ADCY7: variants seen among roughly 807,000 people sequenced by gnomAD.
ADCY7 encodes adenylate cyclase 7.
ADCY7 carries 72 observed loss-of-function variants against 120.6 expected under a neutral mutation model. The ratio of observed to expected loss-of-function variants is 0.60; its 90% CI spans 0.49 to 0.73. The LOEUF (loss-of-function observed/expected upper bound fraction) is 0.73. ADCY7 is among the 30% of genes least tolerant of loss of function. The pLI is 0.00. For missense variants in ADCY7, 1,227 were observed against 1,486.0 expected, an observed-to-expected ratio of 0.83 and a Z score of 2.87; for synonymous variants, 661 against 628.0, an observed-to-expected ratio of 1.05 and a Z score of -0.78.
Position 50,288,361 on chromosome 16 carries a change from G to T in ADCY7, c.171+11G>T. The T allele has an allele frequency of 6.5e-7, 1 of 1,537,398 alleles. No individual in the cohort carries two copies. Among genetic ancestry groups the T allele is most frequent in the Non-Finnish European group, 8.8e-7 (1 of 1,137,816 alleles). ...GCCTTCAGCCAGGGGGTGAGTGAGG[G>T]CAGCCCCTGGGCTTCACGTCTCGGC... On this transcript the variant is annotated intron_variant, in intron 2 of 25. Transcript: ENST00000673801.
chr16:50,247,707 T>C (rs1372904933), intron 1 of ADCY7, among the ~76,000 whole-genome samples: 1 of 152,084 alleles, frequency 6.6e-6, no homozygotes, highest in East Asian at 1.9e-4. Context: ...TTTTGACTCC[T>C]GATTTTATGA....
At chr16:50,304,890 G>A in intron 11 of ADCY7, 35 bp from the exon 12 acceptor site, 1 of 1,613,716 alleles carries the variant, frequency 6.2e-7, no homozygotes. Context: ...AGTGTTCTGG[G>A]GAATGACTGT....
At chr16:50,255,336 G>A (rs999245563) in intron 1 of ADCY7, among the ~76,000 whole-genome samples, 1 of 140,330 alleles carries the variant, frequency 7.1e-6, no homozygotes, top group African/African-American at 2.6e-5. Flanking sequence ...ATAGAGATAG[G>A]GCCATCTAAA....
At chr16:50,267,567 C>CT (rs1475076562) in intron 1 of ADCY7, among the ~76,000 whole-genome samples, 2 of 152,168 alleles carry the variant, frequency 1.3e-5, no homozygotes, top group African/African-American at 4.8e-5. Flanking sequence ...TGGGCCTTCA[C>CT]TAGCATCACC....
At chr16:50,285,033 A>G (rs1019787798) in intron 1 of ADCY7, among the ~76,000 whole-genome samples, 1 of 152,230 alleles carries the variant, frequency 6.6e-6, no homozygotes, top group Non-Finnish European at 1.5e-5. Flanking sequence ...GGTTGGATGT[A>G]TATGGTTAGC....
chr16:50,274,063 T>TGAG (rs775220637), intron 1 of ADCY7: 1 of 151,542 alleles, frequency 6.6e-6, no homozygotes, highest in Non-Finnish European at 1.5e-5. Flanking sequence ...CATTTGGAGG[T>TGAG]GAGGAGGTGG....
At chr16:50,261,878 G>A (rs939786889), upstream of ADCY7, among the ~76,000 whole-genome samples, 4 of 152,200 alleles carry the variant, frequency 2.6e-5, no homozygotes, top group Admixed American at 6.5e-5. Flanking sequence ...TCCCGGTGCC[G>A]TGAACCCCCG....
At position 50,314,427 on chromosome 16, in the gene ADCY7, G is replaced by A. The variant is rs191659239; in HGVS notation, c.2971+21G>A. ...CGTCGGTGAGCCCGGGTGATGGAGC[G>A]GGGTGGGGAGCCCCTGCCTCTAGGC... is the stretch of plus-strand genomic sequence containing the variant. On this transcript the variant is annotated intron_variant, in intron 24 of 25. Transcript: ENST00000673801. The A allele has an allele frequency of 1.0e-3, 1,619 of 1,598,356 alleles. 2 individuals carry two copies. The highest frequency in any genetic ancestry group is 1.2e-3 in the Non-Finnish European group (1,388 of 1,169,034).
intron 1 of ADCY7, among the ~76,000 whole-genome samples, chr16:50,250,892 T>G (rs995886842): frequency 6.6e-6 from 1 of 152,200 alleles, no homozygotes; most frequent in Non-Finnish European, 1.5e-5. Flanking sequence ...TTCTTTGTAC[T>G]TATCACTTCT....
Position 50,311,019 on chromosome 16 carries a change from C to G in ADCY7, c.2354+139C>G, listed in dbSNP as rs955863361. On this transcript the variant is annotated intron_variant, in intron 19 of 25. Coordinates refer to ENST00000673801, the MANE Select transcript of ADCY7 (RefSeq NM_001114.5). ...GGGCTGGCAGATGGTGTCCAGCGCT[C>G]AGAGCCGAGGAATTCACTGGCAGGT... is the stretch of plus-strand genomic sequence containing the variant. 33 of 889,040 alleles carry G rather than the reference C, an allele frequency of 3.7e-5. 1 individual carries two copies. The Admixed American group carries it at 3.9e-4, about 11-fold the overall frequency. The allele number at this position is 889,040 out of a possible 1,614,324, so 55.1% of individuals were successfully genotyped here.
In ADCY7 at chr16:50,304,333, C is replaced by T. The variant is rs371047124; in HGVS notation, c.1369-27C>T. The T allele has an allele frequency of 6.3e-6, 9 of 1,436,034 alleles. No individual in the cohort carries two copies. The African/African-American group carries it at 1.2e-4, about 18-fold the overall frequency. The allele number at this position is 1,436,034 out of a possible 1,614,324, so 89.0% of individuals were successfully genotyped here. On this transcript the variant is annotated intron_variant, in intron 10 of 25. Coordinates refer to ENST00000673801, the MANE Select transcript of ADCY7 (RefSeq NM_001114.5). ...TGGGCCGAGAGGGGAGGAGGTGGCA[C>T]AGGCCCATGTCCATGTCTGCCCGCA...
In ADCY7 at chr16:50,298,779, C is replaced by T; in HGVS notation, c.949-125C>T. 2.9e-6 allele frequency: 4 copies of T among 1,385,760 alleles called. No homozygotes were observed. The South Asian group carries it at 5.5e-5, about 19-fold the overall frequency. The allele number at this position is 1,385,760 out of a possible 1,614,324, so 85.8% of individuals were successfully genotyped here. ...CCAGAAGTGGCTCCTGGTGACTGGACCCCAGGAGGCAAGCCCCCAGCCAGG... is the reference window on the plus strand; with the variant it reads ...CCAGAAGTGGCTCCTGGTGACTGGATCCCAGGAGGCAAGCCCCCAGCCAGG... On this transcript the variant is annotated intron_variant, in intron 7 of 25. Transcript: ENST00000673801.
chr16:50,292,895 A>T, intron 5 of ADCY7, 70 bp downstream of exon 5: 1 of 1,556,918 alleles, frequency 6.4e-7, no homozygotes, highest in Admixed American at 1.7e-5. Context: ...GACATGAGAC[A>T]CTCATGCTGC....
rs776658550 is a variant in ADCY7, at chr16:50,315,124, C to T, written c.3082C>T (p.Leu1028Phe). 89 of 1,613,990 alleles carry T rather than the reference C, an allele frequency of 5.5e-5. No individual in the cohort carries two copies. The highest frequency in any genetic ancestry group is 7.4e-5 in the Non-Finnish European group (87 of 1,180,018). ...CAGCCGAATGGAAAGCACTGGAGAA[C>T]TTGGGAAAATCCAGGTAAAGACCTA... ...VASRMESTGE[L>F]GKIQVTEETC... The change falls in exon 25 of 26, where the codon CTT becomes TTT. Residue 1028 changes from leucine (L) to phenylalanine (F), a missense_variant. Leu to Phe is a conservative substitution (Grantham distance 22). Around this residue, in one of 5 missense-constraint regions of ADCY7, gnomAD observed 244 missense variants for 332.8 expected, o/e 0.73. Transcript: ENST00000673801.
intron 24 of ADCY7, 84 bp from the exon 25 acceptor site, chr16:50,314,930 G>T: frequency 6.4e-7 from 1 of 1,560,020 alleles, no homozygotes. Context: ...TCCTGTGCTG[G>T]GGTATGGATT....
chr16:50,298,069 G>T (rs1373068223), intron 7 of ADCY7, among the ~76,000 whole-genome samples: 1 of 151,884 alleles, frequency 6.6e-6, no homozygotes, highest in African/African-American at 2.4e-5. Context: ...CTTTTCCTAT[G>T]AGTCCCCACC....
chr16:50,309,829 C>T (rs1255352394), intron 18 of ADCY7, among the ~76,000 whole-genome samples, 183 bp downstream of exon 18: 1 of 152,212 alleles, frequency 6.6e-6, no homozygotes, highest in Non-Finnish European at 1.5e-5. Flanking sequence ...GCCTCTGGCC[C>T]AAGGGAGTGA....
At chr16:50,303,632 A>C (rs990931958) in intron 10 of ADCY7, among the ~76,000 whole-genome samples, 1 of 150,924 alleles carries the variant, frequency 6.6e-6, no homozygotes, top group South Asian at 2.1e-4. Context: ...GGTCTGTGGC[A>C]TGAGTGGGGG....
chr16:50,297,643 G>C lies in ADCY7; in HGVS notation c.949-1261G>C, dbSNP rs2035441773. ...GTTCCCAGGCTGGGCAGGTGCAGGG[G>C]ACCTGGAGGCAGGGCTGGTGCTGTG... is the stretch of plus-strand genomic sequence containing the variant. On this transcript the variant is annotated intron_variant, in intron 7 of 25. Transcript: ENST00000673801. This position sits in a 1 kb window ranked among gnomAD's most constrained non-coding sequence, Gnocchi z 4.4. Among the ~76,000 whole-genome samples, 1 of 152,164 alleles carries C rather than the reference G, an allele frequency of 6.6e-6. No individual in the cohort carries two copies. Among genetic ancestry groups the C allele is most frequent in the Non-Finnish European group, 1.5e-5 (1 of 68,022 alleles).
Sources: allele counts gnomAD v4.1 joint callset (sites outside exome capture counted in the v4.1 genomes callset), GRCh38; gene constraint gnomAD v4.1.1; regional missense constraint gnomAD v4.1.1; non-coding constraint Gnocchi (gnomAD v3.1); transcripts MANE v1.5; gene names NCBI Gene and HGNC (gene_info 2026-07-23, HGNC 2026-07-21).